ADAMTSL1: variants seen among roughly 807,000 people sequenced by gnomAD.
ADAMTSL1 encodes ADAMTS like 1.
ADAMTSL1 carries 126 observed loss-of-function variants against 201.8 expected under a neutral mutation model. The ratio of observed to expected loss-of-function variants is 0.62; its 90% CI spans 0.54 to 0.72. The LOEUF (loss-of-function observed/expected upper bound fraction) is 0.72. Ranked by LOEUF, ADAMTSL1 falls within the 30% of genes least tolerant of loss-of-function variation. ADAMTSL1 has a pLI of 0.00. For missense variants in ADAMTSL1, 2,679 were observed against 2,277.8 expected, an observed-to-expected ratio of 1.18 and a Z score of -3.59; for synonymous variants, 1,121 against 903.4, an observed-to-expected ratio of 1.24 and a Z score of -4.32.
chr9:18,213,821 C>G (rs556239021), intron 2 of ADAMTSL1, among the ~76,000 whole-genome samples: 1 of 152,116 alleles, frequency 6.6e-6, no homozygotes, highest in East Asian at 1.9e-4. Context: ...TTCACTGCAA[C>G]TTCCACTTCC....
chr9:18,429,883 G>A (rs191640485), intron 2 of ADAMTSL1, among the ~76,000 whole-genome samples: 2 of 152,028 alleles, frequency 1.3e-5, no homozygotes, highest in Non-Finnish European at 1.5e-5. Context: ...TCTGCCTCCC[G>A]GGTTCAAGCG....
At chr9:17,958,853 A>G (rs928618977) in intron 1 of ADAMTSL1, among the ~76,000 whole-genome samples, 4 of 152,198 alleles carry the variant, frequency 2.6e-5, no homozygotes, top group African/African-American at 9.6e-5. Flanking sequence ...ATGTGGGCCC[A>G]TTATAATTCC....
At chr9:18,390,512 A>G (rs779132439) in intron 2 of ADAMTSL1, among the ~76,000 whole-genome samples, 1 of 152,234 alleles carries the variant, frequency 6.6e-6, no homozygotes. Flanking sequence ...TATGTACTGC[A>G]TGACAGTAAA....
chr9:18,080,265 A>G (rs1303683310), intron 1 of ADAMTSL1, among the ~76,000 whole-genome samples: 1 of 152,202 alleles, frequency 6.6e-6, no homozygotes, highest in African/African-American at 2.4e-5. Context: ...CATATAAGGT[A>G]GAGATATAAG....
intron 3 of ADAMTSL1, among the ~76,000 whole-genome samples, chr9:18,533,789 A>T (rs539614096): frequency 6.6e-6 from 1 of 152,362 alleles, no homozygotes; most frequent in East Asian, 1.9e-4. Context: ...AAGAAGACAG[A>T]TGTGCATTGC....
At position 18,188,453 on chromosome 9, in the gene ADAMTSL1, A is replaced by G. The variant is rs147746369; in HGVS notation, c.207+24472A>G. 2.3e-4 allele frequency among the ~76,000 whole-genome samples: 35 copies of G among 152,288 alleles called. No individual in the cohort carries two copies. In the East Asian group the frequency reaches 6.8e-3, roughly 29 times the overall value. ...TGCAAGTGACCTTTGATGAGACGCT[A>G]TCTGGGAACATAATTGTCTTCAAAT... On this transcript the variant is annotated intron_variant, in intron 2 of 29. Coordinates refer to the ADAMTSL1 transcript ENST00000680146.
At chr9:18,548,553 C>A (rs189349591) in intron 3 of ADAMTSL1, among the ~76,000 whole-genome samples, 3 of 151,996 alleles carry the variant, frequency 2.0e-5, no homozygotes, top group African/African-American at 7.2e-5. Context: ...TAAAAAGAAA[C>A]ATACATTAAA....
At chr9:18,886,164 GTGTATATA>G (rs1276504493) in intron 23 of ADAMTSL1, among the ~76,000 whole-genome samples, 4,717 of 61,972 alleles carry the variant, frequency 0.076, 290 homozygotes, top group African/African-American at 0.11. Context: ...GAGTGTGTAT[GTGTATATA>G]TATATATATA....
rs191167835 is a variant in ADAMTSL1 at position 18,417,818 on chromosome 9, C to T, written c.208-87011C>T. Among the ~76,000 whole-genome samples, 9 of 152,310 alleles carry T rather than the reference C, an allele frequency of 5.9e-5. No individual in the cohort carries two copies. In the East Asian group the frequency reaches 1.7e-3, roughly 29 times the overall value. On this transcript the variant is annotated intron_variant, in intron 2 of 29. Transcript: ENST00000680146. ...ATTTAAAGAAGAAATAACACCACGT[C>T]TACCCAATCTCTTCCAGCAGGTAAA...
intron 4 of ADAMTSL1, among the ~76,000 whole-genome samples, chr9:18,574,837 T>C (rs1822606497): frequency 6.6e-6 from 1 of 152,188 alleles, no homozygotes; most frequent in Non-Finnish European, 1.5e-5. Context: ...GTTTGATTTC[T>C]GGTATCCATC....
chr9:18,563,934 T>G (rs2132297473), intron 3 of ADAMTSL1, among the ~76,000 whole-genome samples: 1 of 152,338 alleles, frequency 6.6e-6, no homozygotes, highest in Admixed American at 6.5e-5. Context: ...CCAGTGGATC[T>G]TAGCTTGCTG....
chr9:18,330,134 C>T (rs80239145), intron 2 of ADAMTSL1, among the ~76,000 whole-genome samples: 1 of 152,122 alleles, frequency 6.6e-6, no homozygotes, highest in African/African-American at 2.4e-5. Context: ...CTTATTTAAT[C>T]AGTTAGCTGA....
intron 9 of ADAMTSL1, among the ~76,000 whole-genome samples, chr9:18,668,244 T>TA (rs1829582180): frequency 6.6e-6 from 1 of 152,130 alleles, no homozygotes; most frequent in Admixed American, 6.5e-5. Context: ...AAAATACCCA[T>TA]AAAATCTCAT....
chr9:18,756,730 G>C (rs1405663611), intron 16 of ADAMTSL1, among the ~76,000 whole-genome samples: 2 of 152,168 alleles, frequency 1.3e-5, no homozygotes, highest in African/African-American at 4.8e-5. Flanking sequence ...GGAGATGGGG[G>C]ATCACATGTT....
At chr9:18,392,482 G>A (rs1307653267) in intron 2 of ADAMTSL1, among the ~76,000 whole-genome samples, 1 of 152,134 alleles carries the variant, frequency 6.6e-6, no homozygotes, top group East Asian at 1.9e-4. Flanking sequence ...ACTTGGCCTG[G>A]CGTGCTCTGC....
intron 2 of ADAMTSL1, among the ~76,000 whole-genome samples, chr9:18,263,835 A>C (rs377047454): frequency 1.3e-5 from 2 of 152,252 alleles, no homozygotes; most frequent in South Asian, 2.1e-4. Context: ...GGTAGCCGCC[A>C]ACAAGCCAGG....
intron 1 of ADAMTSL1, among the ~76,000 whole-genome samples, chr9:17,996,537 A>C (rs762992707): frequency 1.3e-5 from 2 of 152,100 alleles, no homozygotes; most frequent in African/African-American, 4.8e-5. Flanking sequence ...GGAGAACTTT[A>C]CAACACACTG....
intron 23 of ADAMTSL1, among the ~76,000 whole-genome samples, chr9:18,861,372 A>G (rs924138909): frequency 6.6e-6 from 1 of 152,324 alleles, no homozygotes; most frequent in Non-Finnish European, 1.5e-5. Flanking sequence ...AGGAGACTGC[A>G]TTGGTTTTAG....
intron 23 of ADAMTSL1, among the ~76,000 whole-genome samples, chr9:18,874,817 T>A (rs188279723): frequency 1.5e-3 from 224 of 152,260 alleles, no homozygotes; most frequent in Middle Eastern, 3.4e-3. Flanking sequence ...TCTCTTTTTT[T>A]TTGGAATAGT....
Sources: allele counts gnomAD v4.1 joint callset (sites outside exome capture counted in the v4.1 genomes callset), GRCh38; gene constraint gnomAD v4.1.1; transcripts MANE v1.5; gene names NCBI Gene and HGNC (gene_info 2026-07-23, HGNC 2026-07-21).